The following USP4 variants were observed in gnomAD, a reference collection of about 807,000 sequenced individuals.
The protein encoded by USP4 is ubiquitin carboxyl-terminal hydrolase 4.
A neutral mutation model predicts 118.2 loss-of-function variants in USP4; 72 were observed. That is an observed-to-expected ratio of 0.61 (90% confidence interval 0.50 to 0.74). The LOEUF (loss-of-function observed/expected upper bound fraction) is 0.74. Among genes scored for constraint, USP4 ranks in the 30% least tolerant of loss-of-function variants. The pLI is 0.00. For missense variants in USP4, 1,037 were observed against 1,185.7 expected (o/e 0.87, Z 1.84); for synonymous variants, 415 against 440.4 (o/e 0.94, Z 0.72).
At chr3:49,282,086 A>G (rs2047037212) in intron 19 of USP4, among the ~76,000 whole-genome samples, 1 of 152,136 alleles carries the variant, frequency 6.6e-6, no homozygotes, top group South Asian at 2.1e-4. Context: ...GGGTAACTCC[A>G]GCACCAGACA....
chr3:49,303,607 T>C (rs535324686), intron 9 of USP4, among the ~76,000 whole-genome samples: 10 of 152,178 alleles, frequency 6.6e-5, no homozygotes, highest in African/African-American at 2.4e-4. Context: ...TGCTCAGAGG[T>C]GCTTGAGCTG....
At chr3:49,322,677 A>G (rs1436076030) in intron 6 of USP4, among the ~76,000 whole-genome samples, 1 of 151,998 alleles carries the variant, frequency 6.6e-6, no homozygotes, top group Admixed American at 6.6e-5. Flanking sequence ...CCTGGCCAAC[A>G]TGGTAAAACC....
chr3:49,288,467 G>A (rs559189952), intron 15 of USP4, among the ~76,000 whole-genome samples: 31 of 152,262 alleles, frequency 2.0e-4, no homozygotes, highest in African/African-American at 5.8e-4. Flanking sequence ...CTGAGGTCAG[G>A]AGTTTAAGAC....
intron 6 of USP4, among the ~76,000 whole-genome samples, chr3:49,314,432 G>T (rs2047415051): frequency 6.6e-6 from 1 of 152,182 alleles, no homozygotes; most frequent in South Asian, 2.1e-4. Context: ...TGCACTAAGT[G>T]AGATTCACCA....
chr3:49,307,096 G>T (rs909425954), intron 8 of USP4, among the ~76,000 whole-genome samples: 1 of 152,116 alleles, frequency 6.6e-6, no homozygotes, highest in Non-Finnish European at 1.5e-5. Flanking sequence ...AAACCCAAGG[G>T]TTATCTAATC....
rs568862022 is a variant in USP4 at position 49,278,895 on chromosome 3, T to C, written c.2652A>G (p.Ala884=). ...TACCATTCAGTTTGTTCTTCGCATA[T>C]GCAGTGTCTGCCAAGTCAACAAAGA... ...YGAMGVGHYT[A]YAKNKLNGKW... Residue 884 remains alanine, a synonymous_variant, in exon 21 of 22, where the codon GCA becomes GCG. Coordinates refer to ENST00000265560, the MANE Select transcript of USP4 (RefSeq NM_003363.4). 11 of 1,608,968 alleles carry C rather than the reference T, an allele frequency of 6.8e-6. No individual in the cohort carries two copies. The highest frequency in any genetic ancestry group is 2.7e-5 in the African/African-American group (2 of 74,758).
Position 49,324,950 on chromosome 3 carries a change from C to T in USP4, c.577G>A (p.Glu193Lys). ...LWNKYMSNTY[E>K]QLSKLDNTVQ... is the part of the protein sequence containing the mutation. Reference sequence around the variant, plus strand: ...GTGTTGTCTAGCTTGCTCAACTGCTCGTAGGTGTTGCTCATGTATTTGTTC... The same window carrying T: ...GTGTTGTCTAGCTTGCTCAACTGCTTGTAGGTGTTGCTCATGTATTTGTTC... The change falls in exon 5 of 22, where the codon GAG becomes AAG. Residue 193 changes from glutamate to lysine, a missense_variant. Glu to Lys is a moderately conservative substitution (Grantham distance 56). Around this residue, in one of 3 missense-constraint regions of USP4, gnomAD observed 487 missense variants for 534.1 expected, o/e 0.91. Transcript: ENST00000265560. The T allele has an allele frequency of 1.2e-6, 2 of 1,614,150 alleles. No individual in the cohort carries two copies. The highest frequency in any genetic ancestry group is 1.1e-5 in the South Asian group (1 of 91,080).
chr3:49,325,089 A>C, intron 4 of USP4, 50 bp from the exon 5 acceptor site: 1 of 1,590,204 alleles, frequency 6.3e-7, no homozygotes, highest in Non-Finnish European at 8.5e-7. Flanking sequence ...ATGCAAGGCT[A>C]AAGACAGCCA....
chr3:49,295,365 G>A (rs1394975812), intron 13 of USP4, among the ~76,000 whole-genome samples: 1 of 139,590 alleles, frequency 7.2e-6, no homozygotes, highest in Non-Finnish European at 1.5e-5. Context: ...GTACAAAGAT[G>A]TACACCTAGG....
In USP4 at chr3:49,324,919, T is replaced by C. The variant is rs779537896; in HGVS notation, c.608A>G (p.Gln203Arg). The C allele has an allele frequency of 6.2e-7, 1 of 1,614,224 alleles. No individual in the cohort carries two copies. The highest frequency in any genetic ancestry group is 8.5e-7 in the Non-Finnish European group (1 of 1,180,046). The change falls in exon 5 of 22, where the codon CAG becomes CGG. Residue 203 changes from glutamine to arginine, a missense_variant. Gln to Arg is a conservative substitution (Grantham distance 43). Transcript: ENST00000265560. ...CTGACCCTGGTATAGCCCAGCATCC[T>C]GGACAGTGTTGTCTAGCTTGCTCAA... The part of the protein sequence containing the change: ...EQLSKLDNTV[Q>R]DAGLYQGQVL...
chr3:49,306,175 A>G (rs1426349514), intron 8 of USP4, among the ~76,000 whole-genome samples: 1 of 151,896 alleles, frequency 6.6e-6, no homozygotes, highest in African/African-American at 2.4e-5. Context: ...GAATAATTGC[A>G]TAATTCTTAT....
Position 49,278,289 on chromosome 3 carries a change from A to T in USP4, c.*4T>A, listed in dbSNP as rs762609456. 1.2e-6 allele frequency: 2 copies of T among 1,612,950 alleles called. No individual in the cohort carries two copies. Among genetic ancestry groups the T allele is most frequent in the South Asian group, 2.2e-5 (2 of 90,944 alleles). On this transcript the variant is annotated 3_prime_UTR_variant, in exon 22 of 22. Transcript: ENST00000265560. ...TACAGGGTGGCAGGATCGTGGAGTCAGCATTAGTTGGTGTCCATGCTGCAA... is the reference window on the plus strand; with the variant it reads ...TACAGGGTGGCAGGATCGTGGAGTCTGCATTAGTTGGTGTCCATGCTGCAA...
chr3:49,308,258 G>A (rs144735689), intron 8 of USP4, among the ~76,000 whole-genome samples: 88 of 152,206 alleles, frequency 5.8e-4, no homozygotes, highest in African/African-American at 1.8e-3. Context: ...TGTGACTTAC[G>A]GTGGGGGCTT....
intron 16 of USP4, among the ~76,000 whole-genome samples, chr3:49,285,837 G>A (rs183309659): frequency 1.2e-4 from 19 of 152,278 alleles, no homozygotes; most frequent in Admixed American, 3.3e-4. Context: ...AAAGGTTATC[G>A]ACCCACAGCA....
rs760516607 is a variant in USP4, at chr3:49,300,630, G to A, written c.1349C>T (p.Thr450Ile). The A allele has an allele frequency of 6.2e-7, 1 of 1,614,216 alleles. No individual in the cohort carries two copies. The highest frequency in any genetic ancestry group is 2.2e-5 in the East Asian group (1 of 44,884). ...RLRNDSVIVD[T>I]FHGLFKSTLV... ...AGTAGATTTGAAGAGGCCATGGAAA[G>A]TATCCACAATCACAGAATCATTCCT... Residue 450 changes from threonine to isoleucine, a missense_variant, in exon 11 of 22, where the codon ACT becomes ATT. Thr to Ile is a moderately conservative substitution (Grantham distance 89, BLOSUM62 -1). This residue lies in a region of USP4 where 28 missense variants were observed against 59.0 expected (regional missense o/e 0.47). Coordinates refer to ENST00000265560, the MANE Select transcript of USP4 (RefSeq NM_003363.4).
Position 49,294,471 on chromosome 3 carries a change from G to A in USP4, c.1819C>T (p.Leu607Phe). Residue 607 changes from leucine (L) to phenylalanine (F), a missense_variant, in exon 14 of 22, where the codon CTT becomes TTT. Physicochemically the swap from Leu to Phe is conservative, Grantham distance 22 (BLOSUM62 0). Transcript: ENST00000265560. ...GTTAACTTGTGCTTGGGGACAGAAA[G>A]CAATAGTGGCTGCCCATATAGCGCT... is the stretch of plus-strand genomic sequence containing the variant. ...ASALYGQPLL[L>F]SVPKHKLTLE... 1 of 1,614,206 alleles carries A rather than the reference G, an allele frequency of 6.2e-7. No individual in the cohort carries two copies.
intron 6 of USP4, among the ~76,000 whole-genome samples, chr3:49,323,061 G>T (rs1005289776): frequency 1.0e-4 from 15 of 150,588 alleles, no homozygotes; most frequent in African/African-American, 3.7e-4. Flanking sequence ...TCCGCCTCCC[G>T]GGTTCAAGCG....
chr3:49,315,773 C>T (rs374302172), intron 6 of USP4, among the ~76,000 whole-genome samples: 2 of 152,256 alleles, frequency 1.3e-5, no homozygotes, highest in East Asian at 1.9e-4. Flanking sequence ...CCTGTAACAT[C>T]CCTGTGCCCA....
chr3:49,331,758 G>T, intron 2 of USP4, among the ~76,000 whole-genome samples: 1 of 152,142 alleles, frequency 6.6e-6, no homozygotes. Flanking sequence ...TGGGATTTTT[G>T]GAATGATAAA....
Sources: allele counts gnomAD v4.1 joint callset (sites outside exome capture counted in the v4.1 genomes callset), GRCh38; gene constraint gnomAD v4.1.1; regional missense constraint gnomAD v4.1.1; transcripts MANE v1.5; gene names NCBI Gene and HGNC (gene_info 2026-07-23, HGNC 2026-07-21).